The following MEGF11 variants were observed in gnomAD, a reference collection of about 807,000 sequenced individuals.
The protein encoded by MEGF11 is multiple EGF like domains 11, also known as multiple epidermal growth factor-like domains protein 11.
In MEGF11, 126 loss-of-function variants were observed where a neutral mutation model predicts 146.6. That is an observed-to-expected ratio of 0.86 (90% CI 0.74 to 1.00). The LOEUF (loss-of-function observed/expected upper bound fraction) is 1.00, where lower values mean the gene tolerates loss of function less well. MEGF11 is among the 50% of genes least tolerant of loss of function. MEGF11 has a pLI of 0.00. For missense variants in MEGF11, 1,509 were observed against 1,521.2 expected, an observed-to-expected ratio of 0.99 and a Z score of 0.13; for synonymous variants, 532 against 583.4, an observed-to-expected ratio of 0.91 and a Z score of 1.27.
rs1221007994 is a variant in MEGF11 at position 65,895,579 on chromosome 15, CAGA to C, written c.*2352_*2354del. 3.3e-5 allele frequency: 5 copies of C among 152,732 alleles called. No individual in the cohort carries two copies. The East Asian group carries it at 9.6e-4, about 29-fold the overall frequency. The allele number at this position is 152,732 out of a possible 1,614,324, so 9.5% of individuals were successfully genotyped here. On this transcript the variant is annotated 3_prime_UTR_variant, in exon 26 of 26. Coordinates refer to ENST00000395614, the MANE Select transcript of MEGF11 (RefSeq NM_001385028.1). The stretch of plus-strand genomic sequence containing the variant: ...TGAACCTATTTGTGATGGTGTTAGA[CAGA>C]AGTTTCTAACAGTTGCTTTGTAAGA...
At chr15:66,211,601 T>C (rs80273601) in intron 1 of MEGF11, among the ~76,000 whole-genome samples, 148 of 151,418 alleles carry the variant, frequency 9.8e-4, no homozygotes, top group African/African-American at 3.6e-3. Context: ...CCAGTCACCG[T>C]TCCCTCCCCA....
intron 5 of MEGF11, among the ~76,000 whole-genome samples, chr15:66,066,641 C>G (rs1323815587): frequency 2.0e-5 from 3 of 152,188 alleles, no homozygotes; most frequent in African/African-American, 7.2e-5. Flanking sequence ...ACACCAAGCT[C>G]CACGGCTGCG....
intron 1 of MEGF11, among the ~76,000 whole-genome samples, chr15:66,167,658 A>AAAACAAAC (rs146994991): frequency 2.0e-5 from 3 of 151,078 alleles, no homozygotes; most frequent in Non-Finnish European, 4.4e-5. Context: ...ACAAACAAAC[A>AAAACAAAC]AAACAAACAA....
rs903451611 is a variant in MEGF11, at chr15:65,913,970, G to A, written c.2477C>T (p.Ala826Val). ...GFKGIRCDQA[A>V]LMMEELNPYT... ...GGGATTCAGCTCCTCCATCATGAGG[G>A]CAGCTGCGGGCAGAGGGAGGGCCTG... is the stretch of plus-strand genomic sequence containing the variant. Residue 826 changes from alanine to valine, a missense_variant, in exon 20 of 26, where the codon GCC (alanine) becomes GTC (valine). Ala to Val is a moderately conservative substitution (Grantham distance 64). Coordinates refer to ENST00000395614, the MANE Select transcript of MEGF11 (RefSeq NM_001385028.1). 3 of 1,612,966 alleles carry A rather than the reference G, an allele frequency of 1.9e-6. No individual in the cohort carries two copies. Among genetic ancestry groups the A allele is most frequent in the Non-Finnish European group, 2.5e-6 (3 of 1,179,232 alleles).
chr15:66,040,066 G>A (rs1288393375), intron 5 of MEGF11, among the ~76,000 whole-genome samples: 1 of 152,154 alleles, frequency 6.6e-6, no homozygotes, highest in Non-Finnish European at 1.5e-5. Context: ...TACAGTGTCC[G>A]AACTGCTGGT....
In MEGF11 at chr15:65,922,462, A is replaced by G. The variant is rs762081537; in HGVS notation, c.1833T>C (p.Pro611=). The G allele has an allele frequency of 1.1e-5, 18 of 1,573,826 alleles. No homozygotes were observed. The highest frequency in any genetic ancestry group is 1.4e-5 in the Non-Finnish European group (16 of 1,160,152). Residue 611 remains proline, a synonymous_variant, in exon 15 of 26, where the codon CCT becomes CCC. Coordinates refer to ENST00000395614, the MANE Select transcript of MEGF11 (RefSeq NM_001385028.1). ...GGGCGCAGCCGTGGCCATAGAACCC[A>G]GGGGGGCAGACTGAGGGTGAAGGGA... ...RGPLCQRICP[P]GFYGHGCAQP...
chr15:66,070,032 CT>C (rs1165549939), intron 5 of MEGF11, among the ~76,000 whole-genome samples: 1 of 152,222 alleles, frequency 6.6e-6, no homozygotes. Flanking sequence ...GCCTAGGCTC[CT>C]CTTTCCCTTT....
At chr15:65,924,142 C>T (rs946407228) in intron 13 of MEGF11, among the ~76,000 whole-genome samples, 5 of 152,024 alleles carry the variant, frequency 3.3e-5, no homozygotes, top group Non-Finnish European at 7.4e-5. Context: ...AATTTAGAGG[C>T]AGACTGGAAT....
chr15:66,200,781 G>A (rs936292456), intron 1 of MEGF11, among the ~76,000 whole-genome samples: 1 of 152,194 alleles, frequency 6.6e-6, no homozygotes, highest in Non-Finnish European at 1.5e-5. Flanking sequence ...GGGTGCAGAA[G>A]TGGGCCGGGT....
At chr15:65,946,973 C>T (rs527895693) in intron 10 of MEGF11, among the ~76,000 whole-genome samples, 7 of 152,284 alleles carry the variant, frequency 4.6e-5, no homozygotes, top group East Asian at 3.9e-4. Context: ...ATATCTCCCT[C>T]CTCAGAACTT....
rs542489910 is a variant in MEGF11, at chr15:65,909,969, A to G, written c.2830-163T>C. The G allele has an allele frequency of 5.6e-6, 4 of 708,288 alleles. No homozygotes were observed. The South Asian group carries it at 6.0e-5, about 11-fold the overall frequency. 43.9% of individuals were successfully genotyped at this position (708,288 alleles called of 1,614,324 possible). On this transcript the variant is annotated intron_variant, in intron 21 of 25. Transcript: ENST00000395614. ...CGAGCTAGGTGTTCCATGACAGGCCACCATGGTGTGGTTGATGCTAGTGGG... is the reference window on the plus strand; with the variant it reads ...CGAGCTAGGTGTTCCATGACAGGCCGCCATGGTGTGGTTGATGCTAGTGGG...
intron 5 of MEGF11, among the ~76,000 whole-genome samples, chr15:66,086,826 C>T (rs926255785): frequency 3.3e-5 from 5 of 152,214 alleles, no homozygotes; most frequent in Admixed American, 6.5e-5. Context: ...CGGTACCTCA[C>T]ATTTCAATAC....
chr15:65,909,598 G>C, intron 22 of MEGF11, 142 bp downstream of exon 22: 1 of 732,214 alleles, frequency 1.4e-6, no homozygotes, highest in Admixed American at 2.4e-5. Context: ...GGCTTCATCT[G>C]CTTGTGAGAG....
intron 5 of MEGF11, among the ~76,000 whole-genome samples, chr15:66,079,107 G>A (rs1444460306): frequency 6.6e-6 from 1 of 152,186 alleles, no homozygotes; most frequent in Non-Finnish European, 1.5e-5. Flanking sequence ...AGTGGGGAAG[G>A]GGTGAGACTC....
intron 5 of MEGF11, among the ~76,000 whole-genome samples, chr15:66,084,280 A>T (rs542117522): frequency 1.5e-4 from 23 of 152,262 alleles, no homozygotes; most frequent in Middle Eastern, 3.4e-3. Context: ...CAATCTGATT[A>T]AAAAAATGGG....
chr15:66,189,461 G>C (rs1325178025), intron 1 of MEGF11, among the ~76,000 whole-genome samples: 1 of 152,180 alleles, frequency 6.6e-6, no homozygotes, highest in Non-Finnish European at 1.5e-5. Flanking sequence ...TGCGCACATG[G>C]GGAAGCTGAG....
chr15:65,914,362 T>C (rs561835131), intron 19 of MEGF11, among the ~76,000 whole-genome samples: 1 of 152,330 alleles, frequency 6.6e-6, no homozygotes, highest in East Asian at 1.9e-4. Context: ...TAACCTATAA[T>C]TGGCGGAGTC....
In MEGF11 at chr15:65,969,040, T is replaced by C. The variant is rs139828133; in HGVS notation, c.899+1513A>G. Among the ~76,000 whole-genome samples, 104 of 152,302 alleles carry C rather than the reference T, an allele frequency of 6.8e-4. 1 individual carries two copies. In the East Asian group the frequency reaches 0.017, roughly 25 times the overall value. The stretch of plus-strand genomic sequence containing the variant: ...TCCTATTGAACCCTCCTGTGGTTGA[T>C]TGGCAAAGCTTGCTGGAGGGCCCCT... On this transcript the variant is annotated intron_variant, in intron 8 of 25. Transcript: ENST00000395614.
chr15:66,059,433 G>A (rs1332800725), intron 5 of MEGF11, among the ~76,000 whole-genome samples: 4 of 152,186 alleles, frequency 2.6e-5, no homozygotes. Flanking sequence ...CTAGGCAGAG[G>A]AACAGGGGCT....
Sources: gnomAD v4.1 joint callset for allele counts (sites outside exome capture counted in the v4.1 genomes callset) on GRCh38, gnomAD v4.1.1 for gene constraint, MANE v1.5 for transcripts, NCBI Gene and HGNC (gene_info 2026-07-23, HGNC 2026-07-21) for gene names.